Variants in RANBP2 observed in about 807,000 individuals in gnomAD.
The protein encoded by RANBP2 is RAN binding protein 2.
In RANBP2, 57 loss-of-function variants were observed where a neutral mutation model predicts 303.6. The ratio of observed to expected loss-of-function variants is 0.19; its 90% CI spans 0.15 to 0.23. The LOEUF (loss-of-function observed/expected upper bound fraction) is 0.23, where lower values mean the gene tolerates loss of function less well. Among genes scored for constraint, RANBP2 ranks in the 10% least tolerant of loss-of-function variants. The pLI is 1.00. For missense variants in RANBP2, 3,138 were observed against 3,780.8 expected, an observed-to-expected ratio of 0.83 and a Z score of 4.46; for synonymous variants, 1,167 against 1,301.5, an observed-to-expected ratio of 0.90 and a Z score of 2.23.
At chr2:109,101,879 G>A in the RANBP2 span, among the ~76,000 whole-genome samples, 3 of 152,126 alleles carry the variant, frequency 2.0e-5, no homozygotes, top group Admixed American at 6.6e-5. Context: ...ATCTGAAAGT[G>A]GATTCGATAA....
chr2:109,140,882 C>A, the RANBP2 span, among the ~76,000 whole-genome samples: 1 of 152,168 alleles, frequency 6.6e-6, no homozygotes, highest in African/African-American at 2.4e-5. Flanking sequence ...TATCAGTTTT[C>A]CACTTGGTAC....
At chr2:109,108,662 T>C in the RANBP2 span, among the ~76,000 whole-genome samples, 27 of 152,292 alleles carry the variant, frequency 1.8e-4, no homozygotes, top group African/African-American at 6.0e-4. Context: ...TAAAGAATTC[T>C]GGGAAATAAA....
the RANBP2 span, among the ~76,000 whole-genome samples, chr2:108,946,233 C>T: frequency 1.3e-5 from 2 of 152,196 alleles, no homozygotes; most frequent in African/African-American, 2.4e-5. Context: ...CAGCCTCCCC[C>T]GACTTTATCA....
chr2:109,300,233 T>A, the RANBP2 span, among the ~76,000 whole-genome samples: 4 of 152,156 alleles, frequency 2.6e-5, no homozygotes, highest in African/African-American at 9.7e-5. Context: ...AGAGTCTCAC[T>A]CTGTCGCCCA....
At chr2:109,743,414 G>A in the RANBP2 span, among the ~76,000 whole-genome samples, 2 of 147,600 alleles carry the variant, frequency 1.4e-5, no homozygotes, top group Admixed American at 6.8e-5. Context: ...CATGGGTTTG[G>A]CTGACTTTTT....
chr2:109,554,845 T>A, the RANBP2 span, among the ~76,000 whole-genome samples: 12 of 152,218 alleles, frequency 7.9e-5, no homozygotes, highest in Non-Finnish European at 1.0e-4. Context: ...GTGTTAGTGC[T>A]GATATGGAGT....
chr2:109,262,540 A>G, the RANBP2 span, among the ~76,000 whole-genome samples: 1 of 152,154 alleles, frequency 6.6e-6, no homozygotes, highest in Non-Finnish European at 1.5e-5. Flanking sequence ...CTCATCCTTC[A>G]AAGGTTTTCT....
chr2:108,947,336 A>G, the RANBP2 span, among the ~76,000 whole-genome samples: 1 of 152,120 alleles, frequency 6.6e-6, no homozygotes, highest in Admixed American at 6.5e-5. Flanking sequence ...GGATTTTCCA[A>G]GTGCATGGTG....
the RANBP2 span, among the ~76,000 whole-genome samples, chr2:109,481,585 A>G: frequency 6.6e-6 from 1 of 152,136 alleles, no homozygotes; most frequent in Admixed American, 6.5e-5. Context: ...CCTCTTGAGC[A>G]AATAGCTAAA....
chr2:109,520,689 G>A, the RANBP2 span, among the ~76,000 whole-genome samples: 2 of 138,288 alleles, frequency 1.4e-5, no homozygotes, highest in African/African-American at 5.0e-5. Flanking sequence ...CCAGCACTTT[G>A]GGAGGCCAAG....
At chr2:108,803,868 GT>G in the RANBP2 span, among the ~76,000 whole-genome samples, 2 of 152,162 alleles carry the variant, frequency 1.3e-5, no homozygotes. Context: ...GAATGCATAT[GT>G]TTTTAGTATC....
chr2:108,797,059 TTGACTTTGGAGCC>T, the RANBP2 span, among the ~76,000 whole-genome samples: 55 of 152,228 alleles, frequency 3.6e-4, no homozygotes, highest in South Asian at 2.1e-3. Flanking sequence ...CTGTTTGGAC[TTGACTTTGGAGCC>T]TGTGAGAAAG....
the RANBP2 span, among the ~76,000 whole-genome samples, chr2:109,456,726 T>C: frequency 6.6e-6 from 1 of 152,172 alleles, no homozygotes; most frequent in Non-Finnish European, 1.5e-5. Context: ...AGGGTACAAA[T>C]GTGGACATGA....
the RANBP2 span, among the ~76,000 whole-genome samples, chr2:109,535,692 C>T: frequency 6.6e-6 from 1 of 152,160 alleles, no homozygotes; most frequent in African/African-American, 2.4e-5. Context: ...GGCACAAGGG[C>T]ATTTGCATGA....
chr2:109,170,944 C>T, the RANBP2 span, among the ~76,000 whole-genome samples: 4 of 152,300 alleles, frequency 2.6e-5, no homozygotes, highest in Admixed American at 6.5e-5. Flanking sequence ...GTAGCCCACA[C>T]CGGGCTGGGT....
At chr2:108,896,708 G>A in the RANBP2 span, 2 of 606,456 alleles carry the variant, frequency 3.3e-6, no homozygotes, top group East Asian at 2.8e-5. Flanking sequence ...GCATCTGAAA[G>A]TATCCCGGCT....
At chr2:109,331,758 A>G in the RANBP2 span, among the ~76,000 whole-genome samples, 1 of 152,160 alleles carries the variant, frequency 6.6e-6, no homozygotes, top group Non-Finnish European at 1.5e-5. Context: ...GGTGGCCAAT[A>G]AGTACTTGGT....
chr2:109,114,414 T>C, the RANBP2 span, among the ~76,000 whole-genome samples: 6 of 152,360 alleles, frequency 3.9e-5, no homozygotes, highest in Non-Finnish European at 7.3e-5. Flanking sequence ...TCTAGTTTAT[T>C]TGCCTAGAGG....
chr2:109,368,004 A>G, the RANBP2 span, among the ~76,000 whole-genome samples: 2 of 152,268 alleles, frequency 1.3e-5, no homozygotes, highest in Middle Eastern at 3.2e-3. Flanking sequence ...GCAAAGGAAC[A>G]AAAGGGGAAT....
Sources: gnomAD v4.1 joint callset for allele counts (sites outside exome capture counted in the v4.1 genomes callset) on GRCh38, gnomAD v4.1.1 for gene constraint, MANE v1.5 for transcripts, NCBI Gene and HGNC (gene_info 2026-07-23, HGNC 2026-07-21) for gene names.